PDE5A: variants seen among roughly 807,000 people sequenced by gnomAD.
PDE5A encodes the protein phosphodiesterase 5A, also known as cGMP-specific 3',5'-cyclic phosphodiesterase.
PDE5A carries 67 observed loss-of-function variants against 110.2 expected under a neutral mutation model. The observed-to-expected ratio is 0.61, with a 90% CI of 0.50 to 0.75. PDE5A has a LOEUF of 0.75. PDE5A is among the 30% of genes least tolerant of loss of function. The pLI, the probability that PDE5A is intolerant of heterozygous loss-of-function variation, is 0.00. For synonymous variants in PDE5A, 328 were observed against 351.2 expected (o/e 0.93, Z 0.74); for missense variants, 862 against 1,045.1 (o/e 0.82, Z 2.42).
At position 119,498,145 on chromosome 4, in the gene PDE5A, T is replaced by C. The variant is rs78501811; in HGVS notation, c.*456A>G. On this transcript the variant is annotated 3_prime_UTR_variant, in exon 21 of 21. Transcript: ENST00000354960. ...TCCACTCAGCCAGCATTTTTCACTA[T>C]CCTATAAAGGCTTTAAATGTCACAG... The C allele has an allele frequency of 0.028, 4,353 of 153,076 alleles. 90 individuals carry two copies. The highest frequency in any genetic ancestry group is 0.066 in the South Asian group (322 of 4,862). The allele number at this position is 153,076 out of a possible 1,614,324, so 9.5% of individuals were successfully genotyped here.
intron 1 of PDE5A, among the ~76,000 whole-genome samples, chr4:119,623,525 C>T (rs1016615525): frequency 6.6e-6 from 1 of 152,144 alleles, no homozygotes; most frequent in Non-Finnish European, 1.5e-5. Flanking sequence ...GGAAGGGGTG[C>T]CTCAAAGTAG....
intron 3 of PDE5A, among the ~76,000 whole-genome samples, chr4:119,577,471 C>T (rs1300725874): frequency 6.1e-5 from 9 of 148,488 alleles, no homozygotes; most frequent in South Asian, 2.2e-4. Context: ...AGCAGCACAT[C>T]AAAAAGCTTA....
chr4:119,553,592 T>A, intron 8 of PDE5A, 46 bp downstream of exon 8: 2 of 912,600 alleles, frequency 2.2e-6, no homozygotes, highest in Non-Finnish European at 1.9e-6. Context: ...ACAGATGTGA[T>A]GGGAAAACAG....
intron 13 of PDE5A, chr4:119,519,405 A>T (rs1726036483): frequency 2.7e-6 from 1 of 370,278 alleles, no homozygotes. Flanking sequence ...ACCTATAGTA[A>T]GTATTGCTAA....
At chr4:119,618,546 G>T (rs1730022094) in intron 1 of PDE5A, among the ~76,000 whole-genome samples, 1 of 151,640 alleles carries the variant, frequency 6.6e-6, no homozygotes, top group Admixed American at 6.6e-5. Context: ...TTCATATTAA[G>T]ATTAGGTGAT....
intron 3 of PDE5A, among the ~76,000 whole-genome samples, chr4:119,569,488 C>A (rs1728066328): frequency 6.7e-6 from 1 of 150,054 alleles, no homozygotes; most frequent in African/African-American, 2.5e-5. Context: ...TAAATTTGTA[C>A]CAATAAATAA....
At chr4:119,578,101 A>T (rs1458782792) in intron 3 of PDE5A, among the ~76,000 whole-genome samples, 1 of 152,166 alleles carries the variant, frequency 6.6e-6, no homozygotes, top group Non-Finnish European at 1.5e-5. Context: ...CTTCAAAGAG[A>T]ATAAAATACC....
At chr4:119,499,208 G>C (rs1357002978) in intron 20 of PDE5A, among the ~76,000 whole-genome samples, 2 of 152,054 alleles carry the variant, frequency 1.3e-5, no homozygotes, top group African/African-American at 4.8e-5. Flanking sequence ...ACCAATTATA[G>C]TGCCATAAAT....
intron 4 of PDE5A, among the ~76,000 whole-genome samples, chr4:119,566,361 T>G (rs1286416680): frequency 2.0e-5 from 3 of 152,082 alleles, no homozygotes; most frequent in Non-Finnish European, 4.4e-5. Flanking sequence ...TAAACAGCAA[T>G]GGGCTTTGAA....
intron 1 of PDE5A, among the ~76,000 whole-genome samples, chr4:119,613,758 GA>G (rs959906121): frequency 4.6e-5 from 7 of 151,880 alleles, no homozygotes; most frequent in Non-Finnish European, 8.8e-5. Flanking sequence ...TAGTGCTACT[GA>G]AAAAAAAACC....
At chr4:119,583,782 T>A (rs1271787411) in intron 3 of PDE5A, among the ~76,000 whole-genome samples, 1 of 152,090 alleles carries the variant, frequency 6.6e-6, no homozygotes, top group Non-Finnish European at 1.5e-5. Context: ...CAAGAGAGAA[T>A]GGAAGGAAAT....
At chr4:119,608,686 A>G (rs1293846435) in intron 1 of PDE5A, among the ~76,000 whole-genome samples, 1 of 152,200 alleles carries the variant, frequency 6.6e-6, no homozygotes, top group Non-Finnish European at 1.5e-5. Context: ...AAAAGTTGCT[A>G]TAACTGAGGA....
Position 119,502,098 on chromosome 4 carries a change from ATCTC to A in PDE5A, c.2406+479_2406+482del, listed in dbSNP as rs1448064752. 2.0e-5 allele frequency among the ~76,000 whole-genome samples: 3 copies of A among 152,220 alleles called. No homozygotes were observed. In the East Asian group the frequency reaches 5.8e-4, roughly 29 times the overall value. On this transcript the variant is annotated intron_variant, in intron 19 of 20. Coordinates refer to ENST00000354960, the MANE Select transcript of PDE5A (RefSeq NM_001083.4). The stretch of plus-strand genomic sequence containing the variant: ...ATCTTTCCTCCATGTTTCTTTTGGT[ATCTC>A]TCCTTCCTTTCTCTGTCAGCCACAG...
At chr4:119,561,411 A>C (rs1480394275) in intron 6 of PDE5A, among the ~76,000 whole-genome samples, 1 of 152,218 alleles carries the variant, frequency 6.6e-6, no homozygotes, top group Non-Finnish European at 1.5e-5. Context: ...AAGTAAGCAA[A>C]ATATCTTAAT....
intron 20 of PDE5A, chr4:119,499,917 G>A (rs1176968819): frequency 6.6e-6 from 1 of 151,820 alleles, no homozygotes; most frequent in Middle Eastern, 3.2e-3. Context: ...ATACTTGTCA[G>A]TATCACATAG....
At chr4:119,586,496 T>C (rs542378711) in intron 3 of PDE5A, among the ~76,000 whole-genome samples, 3 of 152,326 alleles carry the variant, frequency 2.0e-5, no homozygotes, top group Admixed American at 6.5e-5. Flanking sequence ...TGGATGAGTA[T>C]AGATGTTTGT....
intron 18 of PDE5A, among the ~76,000 whole-genome samples, chr4:119,504,008 G>C (rs977840391): frequency 6.6e-6 from 1 of 152,000 alleles, no homozygotes; most frequent in Non-Finnish European, 1.5e-5. Flanking sequence ...TATGTATATT[G>C]TGTATTGGTG....
intron 15 of PDE5A, among the ~76,000 whole-genome samples, chr4:119,509,670 C>T (rs1725673527): frequency 2.0e-5 from 3 of 151,986 alleles, no homozygotes; most frequent in Non-Finnish European, 4.4e-5. Context: ...CCCAATCACA[C>T]ATGATATAAT....
chr4:119,499,462 T>C (rs1469810475), intron 20 of PDE5A: 2 of 152,180 alleles, frequency 1.3e-5, no homozygotes, highest in South Asian at 2.1e-4. Flanking sequence ...TACATTGATA[T>C]GTTATCTGTA....
Sources: gnomAD v4.1 joint callset for allele counts (sites outside exome capture counted in the v4.1 genomes callset) on GRCh38, gnomAD v4.1.1 for gene constraint, MANE v1.5 for transcripts, NCBI Gene and HGNC (gene_info 2026-07-23, HGNC 2026-07-21) for gene names.